The following RNF152 variants were observed in gnomAD, a reference collection of about 807,000 sequenced individuals.
RNF152 encodes the protein ring finger protein 152, also known as E3 ubiquitin-protein ligase RNF152.
In RNF152, 11 loss-of-function variants were observed where a neutral mutation model predicts 12.7. The ratio of observed to expected loss-of-function variants is 0.86; its 90% CI spans 0.54 to 1.43. The LOEUF (loss-of-function observed/expected upper bound fraction) is 1.43. RNF152 is among the 40% of genes most tolerant of loss of function. The probability of loss-of-function intolerance (pLI) is 0.00; values close to 1 mark genes in which losing one functional copy is unlikely to be tolerated. For missense variants in RNF152, 255 were observed against 274.8 expected (o/e 0.93, Z 0.51); for synonymous variants, 113 against 120.3 (o/e 0.94, Z 0.40).
chr18:61,817,606 C>G (rs1370385180), intron 1 of RNF152, among the ~76,000 whole-genome samples: 1 of 152,124 alleles, frequency 6.6e-6, no homozygotes, highest in African/African-American at 2.4e-5. Flanking sequence ...TGAGTATTCA[C>G]AGGTTTTGGT....
At chr18:61,865,418 ATTGC>A (rs965120870) in intron 1 of RNF152, among the ~76,000 whole-genome samples, 10 of 152,336 alleles carry the variant, frequency 6.6e-5, no homozygotes, top group African/African-American at 2.4e-4. Context: ...TTGAAAGGAG[ATTGC>A]TTCCAGGATA....
intron 1 of RNF152, among the ~76,000 whole-genome samples, chr18:61,824,777 G>A (rs757513139): frequency 7.9e-5 from 12 of 152,214 alleles, no homozygotes; most frequent in Non-Finnish European, 1.3e-4. Flanking sequence ...GCCAAGGTTA[G>A]CGCTGGCATT....
At chr18:61,887,287 CTG>C (rs1430837323) in intron 1 of RNF152, among the ~76,000 whole-genome samples, 1 of 152,172 alleles carries the variant, frequency 6.6e-6, no homozygotes, top group Non-Finnish European at 1.5e-5. Flanking sequence ...ATTTTCCAAA[CTG>C]GAGTGGGGTG....
intron 1 of RNF152, among the ~76,000 whole-genome samples, chr18:61,881,299 A>C (rs2144757872): frequency 6.6e-6 from 1 of 152,310 alleles, no homozygotes; most frequent in Admixed American, 6.5e-5. Flanking sequence ...ATTATAGCGA[A>C]CGACACCAGT....
chr18:61,824,460 T>G, intron 1 of RNF152, among the ~76,000 whole-genome samples: 1 of 152,254 alleles, frequency 6.6e-6, no homozygotes, highest in East Asian at 1.9e-4. Flanking sequence ...AAATATTATC[T>G]GTTAGTGATC....
At position 61,865,017 on chromosome 18, in the gene RNF152, T is replaced by A. The variant is rs112290516; in HGVS notation, c.-136+27778A>T. ...CTTGGGCAACAAGAGGGAAACTCCA[T>A]CTCAAAAAAAAAAGGAGTTTATGAT... On this transcript the variant is annotated intron_variant, in intron 1 of 1. Transcript: ENST00000312828. Among the ~76,000 whole-genome samples, 5 of 150,850 alleles carry A rather than the reference T, an allele frequency of 3.3e-5. 1 individual carries two copies. Among genetic ancestry groups the A allele is most frequent in the African/African-American group, 9.7e-5 (4 of 41,144 alleles).
intron 1 of RNF152, among the ~76,000 whole-genome samples, chr18:61,887,501 G>A (rs1390469342): frequency 1.3e-5 from 2 of 152,048 alleles, no homozygotes; most frequent in East Asian, 1.9e-4. Context: ...GGTGGATCAC[G>A]AGGTCAGGAG....
Position 61,823,524 on chromosome 18 carries a change from C to G in RNF152, c.-135-6926G>C, listed in dbSNP as rs142461115. 4.0e-3 allele frequency among the ~76,000 whole-genome samples: 613 copies of G among 152,328 alleles called. 5 individuals are homozygous for G. The highest frequency in any genetic ancestry group is 0.013 in the African/African-American group (541 of 41,568). The stretch of plus-strand genomic sequence containing the variant: ...ATATTGGCCAGGCTGGTCTCGAACT[C>G]CTGACTTCAACTGATCTGCCCGTCT... On this transcript the variant is annotated intron_variant, in intron 1 of 1. Coordinates refer to ENST00000312828, the MANE Select transcript of RNF152 (RefSeq NM_173557.3).
Position 61,814,752 on chromosome 18 carries a change from G to A in RNF152, c.*1100C>T, listed in dbSNP as rs1009799342. On this transcript the variant is annotated 3_prime_UTR_variant, in exon 2 of 2. Coordinates refer to ENST00000312828, the MANE Select transcript of RNF152 (RefSeq NM_173557.3). ...TCACAGGCCATTTATTAAAATGCCCGCCTGGGTTGACCATCAGTCACAACA... is the reference window on the plus strand; with the variant it reads ...TCACAGGCCATTTATTAAAATGCCCACCTGGGTTGACCATCAGTCACAACA... The A allele has an allele frequency of 8.5e-5, 13 of 152,134 alleles. No homozygotes were observed. Among genetic ancestry groups the A allele is most frequent in the Admixed American group, 3.9e-4 (6 of 15,264 alleles). The allele number at this position is 152,134 out of a possible 1,614,324, so 9.4% of individuals were successfully genotyped here.
intron 1 of RNF152, among the ~76,000 whole-genome samples, chr18:61,818,456 A>G (rs977845389): frequency 6.6e-6 from 1 of 152,144 alleles, no homozygotes; most frequent in Admixed American, 6.5e-5. Context: ...AAAAAACAAG[A>G]AAAAGCAAAC....
chr18:61,857,714 C>T (rs1363963707), intron 1 of RNF152, among the ~76,000 whole-genome samples: 2 of 152,096 alleles, frequency 1.3e-5, no homozygotes, highest in Non-Finnish European at 2.9e-5. Context: ...AACAAACAAA[C>T]AAACAAACAA....
chr18:61,866,744 A>G (rs866449036), intron 1 of RNF152, among the ~76,000 whole-genome samples: 38 of 152,218 alleles, frequency 2.5e-4, no homozygotes, highest in African/African-American at 8.7e-4. Context: ...ATTGGTGGTG[A>G]CACCGGGGGT....
At chr18:61,886,208 C>T (rs1912690771) in intron 1 of RNF152, among the ~76,000 whole-genome samples, 1 of 152,066 alleles carries the variant, frequency 6.6e-6, no homozygotes, top group Non-Finnish European at 1.5e-5. Flanking sequence ...AAATAAGTTT[C>T]TATCTTCTTA....
intron 1 of RNF152, among the ~76,000 whole-genome samples, chr18:61,858,058 G>A (rs1347184863): frequency 1.3e-5 from 2 of 152,168 alleles, no homozygotes; most frequent in Non-Finnish European, 2.9e-5. Flanking sequence ...AAAGACAATT[G>A]TCTGTCCTTC....
chr18:61,818,858 T>G (rs1045987552), intron 1 of RNF152, among the ~76,000 whole-genome samples: 1 of 152,232 alleles, frequency 6.6e-6, no homozygotes, highest in South Asian at 2.1e-4. Flanking sequence ...ACTAAGATCT[T>G]GTCATTGCCC....
At chr18:61,893,952 C>T (rs1027912017), upstream of RNF152, among the ~76,000 whole-genome samples, 3 of 151,900 alleles carry the variant, frequency 2.0e-5, no homozygotes, top group Non-Finnish European at 4.4e-5. Context: ...CCCGCGCTCC[C>T]CTCCCCGGGA....
intron 1 of RNF152, among the ~76,000 whole-genome samples, chr18:61,886,538 G>A (rs974742291): frequency 5.3e-5 from 8 of 152,292 alleles, no homozygotes; most frequent in East Asian, 3.9e-4. Context: ...TGCCCCCATT[G>A]TAGGCTAATT....
rs1275103871 is a variant in RNF152, at chr18:61,890,971, A to C, written c.-136+1824T>G. On this transcript the variant is annotated intron_variant, in intron 1 of 1. Coordinates refer to ENST00000312828, the MANE Select transcript of RNF152 (RefSeq NM_173557.3). ...GATGACCATATTTTCTCTCCCCAGAAGTCCAATCCTACCTCTCTTGAGCTT... is the reference window on the plus strand; with the variant it reads ...GATGACCATATTTTCTCTCCCCAGACGTCCAATCCTACCTCTCTTGAGCTT... Among the ~76,000 whole-genome samples, 5 of 152,340 alleles carry C rather than the reference A, an allele frequency of 3.3e-5. No homozygotes were observed. The East Asian group carries it at 9.7e-4, about 29-fold the overall frequency.
chr18:61,867,841 C>T (rs1021890791), intron 1 of RNF152, among the ~76,000 whole-genome samples: 14 of 152,118 alleles, frequency 9.2e-5, no homozygotes, highest in African/African-American at 2.2e-4. Context: ...AAAATGGCCA[C>T]GAATGTCCAG....
Sources: gnomAD v4.1 joint callset for allele counts (sites outside exome capture counted in the v4.1 genomes callset) on GRCh38, gnomAD v4.1.1 for gene constraint, MANE v1.5 for transcripts, NCBI Gene and HGNC (gene_info 2026-07-23, HGNC 2026-07-21) for gene names.